Variants in EPHB1 observed in about 807,000 individuals in gnomAD.
The protein encoded by EPHB1 is ephrin type-B receptor 1.
In EPHB1, 30 loss-of-function variants were observed where a neutral mutation model predicts 94.4. That is an observed-to-expected ratio of 0.32 (90% CI 0.24 to 0.43). The LOEUF (loss-of-function observed/expected upper bound fraction) is 0.43, where lower values mean the gene tolerates loss of function less well. Among genes scored for constraint, EPHB1 ranks in the 20% least tolerant of loss-of-function variants. The pLI, the probability that EPHB1 is intolerant of heterozygous loss-of-function variation, is 1.00. For synonymous variants in EPHB1, 522 were observed against 489.1 expected, an observed-to-expected ratio of 1.07 and a Z score of -0.89; for missense variants, 1,055 against 1,308.3, an observed-to-expected ratio of 0.81 and a Z score of 2.99.
At chr3:135,157,739 C>T (rs1431950050) in intron 6 of EPHB1, among the ~76,000 whole-genome samples, 1 of 152,110 alleles carries the variant, frequency 6.6e-6, no homozygotes, top group Non-Finnish European at 1.5e-5. Context: ...CTAAGACTAC[C>T]AAAGAAAAAG....
At chr3:134,934,217 A>G (rs2038957505) in intron 2 of EPHB1, among the ~76,000 whole-genome samples, 1 of 152,270 alleles carries the variant, frequency 6.6e-6, no homozygotes, top group African/African-American at 2.4e-5. Context: ...TCTATGAAGC[A>G]ATGAGGAACA....
At chr3:134,856,197 G>A (rs1329762111) in intron 1 of EPHB1, among the ~76,000 whole-genome samples, 1 of 152,174 alleles carries the variant, frequency 6.6e-6, no homozygotes, top group Admixed American at 6.5e-5. Context: ...TGGGCTTTGA[G>A]ACGTCTAGAC....
chr3:134,838,353 A>G (rs2036715031), intron 1 of EPHB1, among the ~76,000 whole-genome samples: 1 of 152,188 alleles, frequency 6.6e-6, no homozygotes, highest in South Asian at 2.1e-4. Flanking sequence ...TCAAAGTCTC[A>G]TGGTGTATTA....
intron 3 of EPHB1, among the ~76,000 whole-genome samples, chr3:135,044,087 G>A (rs574362882): frequency 1.3e-5 from 2 of 152,234 alleles, no homozygotes; most frequent in South Asian, 2.1e-4. Context: ...AACTAAATTT[G>A]GCTCACTTAC....
intron 3 of EPHB1, among the ~76,000 whole-genome samples, chr3:135,069,946 A>G (rs978555328): frequency 2.0e-5 from 3 of 152,226 alleles, no homozygotes; most frequent in African/African-American, 7.2e-5. Context: ...ACTAAATCAA[A>G]TACAAACAGA....
At chr3:135,097,697 G>A (rs1938855471) in intron 3 of EPHB1, among the ~76,000 whole-genome samples, 1 of 152,210 alleles carries the variant, frequency 6.6e-6, no homozygotes, top group Non-Finnish European at 1.5e-5. Context: ...GTCATCATGA[G>A]TGATACAAGT....
At chr3:135,061,369 C>CCCT in intron 3 of EPHB1, among the ~76,000 whole-genome samples, 1 of 10,678 alleles carries the variant, frequency 9.4e-5, no homozygotes, top group East Asian at 2.3e-3. Context: ...GGAATGACCA[C>CCCT]CCCCCCCGAC....
At position 135,167,004 on chromosome 3, in the gene EPHB1, G is replaced by A. The variant is rs770834786; in HGVS notation, c.1757G>A (p.Arg586Gln). Residue 586 changes from arginine (R) to glutamine (Q), a missense_variant and splice_region_variant, in exon 9 of 16, where the codon CGA (arginine) becomes CAA (glutamine). Physicochemically the swap from Arg to Gln is conservative, Grantham distance 43. Transcript: ENST00000398015. The stretch of plus-strand genomic sequence containing the variant: ...AAGCTCCAGCATTACAGCACAGGCC[G>A]AGGTAAGTAGAAAGCAGAGACCCGG... The part of the protein sequence containing the change: ...SDKLQHYSTG[R>Q]GSPGMKIYID... 8 of 1,613,960 alleles carry A rather than the reference G, an allele frequency of 5.0e-6. 1 individual carries two copies. Among genetic ancestry groups the A allele is most frequent in the South Asian group, 4.4e-5 (4 of 91,028 alleles).
chr3:134,975,225 A>G (rs1934137947), intron 3 of EPHB1, among the ~76,000 whole-genome samples: 1 of 152,172 alleles, frequency 6.6e-6, no homozygotes, highest in Admixed American at 6.5e-5. Flanking sequence ...GGGGACTCAG[A>G]GAGCTCAGGG....
chr3:134,962,715 C>T (rs765888313), intron 3 of EPHB1, among the ~76,000 whole-genome samples: 58 of 152,152 alleles, frequency 3.8e-4, no homozygotes, highest in Non-Finnish European at 5.9e-4. Flanking sequence ...CAGCTTACCT[C>T]TGGGGCCTCT....
At chr3:134,941,745 G>A (rs143409756) in intron 2 of EPHB1, among the ~76,000 whole-genome samples, 1,605 of 92,678 alleles carry the variant, frequency 0.017, 20 homozygotes, top group Non-Finnish European at 0.023. Context: ...CTTTACATAT[G>A]CACACAGACA....
chr3:134,964,544 A>G (rs1181285105), intron 3 of EPHB1, among the ~76,000 whole-genome samples: 1 of 152,144 alleles, frequency 6.6e-6, no homozygotes, highest in East Asian at 1.9e-4. Flanking sequence ...ATATGCAAGA[A>G]CTCTGCCAAA....
chr3:134,874,813 G>A (rs2037583695), intron 1 of EPHB1, among the ~76,000 whole-genome samples: 1 of 152,190 alleles, frequency 6.6e-6, no homozygotes, highest in Admixed American at 6.5e-5. Flanking sequence ...TGTGGGCTGT[G>A]TTCATGATTG....
intron 12 of EPHB1, among the ~76,000 whole-genome samples, chr3:135,223,078 C>T (rs1178137950): frequency 2.0e-5 from 3 of 152,184 alleles, no homozygotes; most frequent in Non-Finnish European, 4.4e-5. Context: ...TACACTTAGG[C>T]ATAAGAAATA....
At chr3:135,186,805 G>A (rs1052810979) in intron 10 of EPHB1, among the ~76,000 whole-genome samples, 1 of 152,208 alleles carries the variant, frequency 6.6e-6, no homozygotes, top group Non-Finnish European at 1.5e-5. Flanking sequence ...GAATTGGCAA[G>A]GAGCTGAAAC....
chr3:134,806,833 A>G (rs1578100455), intron 1 of EPHB1, among the ~76,000 whole-genome samples: 2 of 152,192 alleles, frequency 1.3e-5, no homozygotes, highest in South Asian at 4.1e-4. Context: ...ACAGGCATGA[A>G]AAAGACAAAT....
chr3:135,144,387 A>C (rs1205877898), intron 5 of EPHB1, among the ~76,000 whole-genome samples: 1 of 152,202 alleles, frequency 6.6e-6, no homozygotes, highest in Non-Finnish European at 1.5e-5. Flanking sequence ...AAGACTTGTT[A>C]AAACACAGAT....
chr3:135,194,466 G>A (rs958809905), intron 11 of EPHB1, among the ~76,000 whole-genome samples: 2 of 152,220 alleles, frequency 1.3e-5, no homozygotes, highest in Non-Finnish European at 2.9e-5. Flanking sequence ...CCAGACAAGC[G>A]AGAAGCAGGT....
intron 3 of EPHB1, among the ~76,000 whole-genome samples, chr3:135,047,512 G>A (rs998417862): frequency 2.0e-5 from 3 of 152,164 alleles, no homozygotes; most frequent in African/African-American, 7.2e-5. Flanking sequence ...AGCCCATTGA[G>A]GATTCAGGGC....
Sources: allele counts gnomAD v4.1 joint callset (sites outside exome capture counted in the v4.1 genomes callset), GRCh38; gene constraint gnomAD v4.1.1; transcripts MANE v1.5; gene names NCBI Gene and HGNC (gene_info 2026-07-23, HGNC 2026-07-21).